The following IGF2BP2 variants were observed in gnomAD, a reference collection of about 807,000 sequenced individuals.
The protein encoded by IGF2BP2 is insulin-like growth factor 2 mRNA-binding protein 2.
Under a neutral mutation model 75.8 loss-of-function variants are expected in IGF2BP2, and 17 were observed. That is an observed-to-expected ratio of 0.22 (90% CI 0.15 to 0.34). The LOEUF (loss-of-function observed/expected upper bound fraction) is 0.34. IGF2BP2 is among the 10% of genes least tolerant of loss of function. The pLI, the probability that IGF2BP2 is intolerant of heterozygous loss-of-function variation, is 1.00. For synonymous variants in IGF2BP2, 288 were observed against 295.6 expected, an observed-to-expected ratio of 0.97 and a Z score of 0.26; for missense variants, 516 against 772.4, an observed-to-expected ratio of 0.67 and a Z score of 3.93.
chr3:185,823,976 G>C (rs1741701377), intron 1 of IGF2BP2, among the ~76,000 whole-genome samples: 1 of 152,162 alleles, frequency 6.6e-6, no homozygotes, highest in African/African-American at 2.4e-5. Context: ...AGTTGAGACA[G>C]GGCACCTCGT....
At chr3:185,799,416 G>A (rs1159289526) in intron 2 of IGF2BP2, among the ~76,000 whole-genome samples, 1 of 151,786 alleles carries the variant, frequency 6.6e-6, no homozygotes, top group Non-Finnish European at 1.5e-5. Flanking sequence ...AAACCACAAT[G>A]ACATACCATC....
chr3:185,801,551 G>T (rs551772714), intron 2 of IGF2BP2, among the ~76,000 whole-genome samples: 1 of 150,790 alleles, frequency 6.6e-6, no homozygotes, highest in Admixed American at 6.6e-5. Context: ...TGGAGAAATA[G>T]GAACACTTTT....
chr3:185,805,770 CTT>C (rs1254141059), intron 2 of IGF2BP2, among the ~76,000 whole-genome samples: 28 of 136,438 alleles, frequency 2.1e-4, no homozygotes, highest in Admixed American at 3.7e-4. Context: ...TGAAGTAAAT[CTT>C]TTTTTTTTTT....
In IGF2BP2 at chr3:185,808,134, AAG is replaced by A. The variant is rs1353074882; in HGVS notation, c.239+15017_239+15018del. 5.6e-3 allele frequency among the ~76,000 whole-genome samples: 394 copies of A among 70,764 alleles called. 2 individuals are homozygous for A. Among genetic ancestry groups the A allele is most frequent in the African/African-American group, 0.032 (380 of 11,718 alleles). The allele number at this position is 70,764 out of a possible 152,430, so 46.4% of individuals were successfully genotyped here. ...GTTTCTTTTAAAAAAAAAAAAAAAAAAGAAAGAAAGAAAGAAAGAAACAAACA... is the reference window on the plus strand; with the variant it reads ...GTTTCTTTTAAAAAAAAAAAAAAAAAAAAGAAAGAAAGAAAGAAACAAACA... On this transcript the variant is annotated intron_variant, in intron 2 of 15. Transcript: ENST00000382199.
At position 185,698,814 on chromosome 3, in the gene IGF2BP2, GT is replaced by G. The variant is rs915972569; in HGVS notation, c.240-468del. 1.3e-4 allele frequency among the ~76,000 whole-genome samples: 19 copies of G among 150,616 alleles called. No individual in the cohort carries two copies. The East Asian group carries it at 3.7e-3, about 30-fold the overall frequency. ...TAATTTTTGTGGGTTTTTTGTTGTTGTTTGTTTGTTTGTTTTTTAAGAAGGG... is the reference window on the plus strand; with the variant it reads ...TAATTTTTGTGGGTTTTTTGTTGTTGTTGTTTGTTTGTTTTTTAAGAAGGG... On this transcript the variant is annotated intron_variant, in intron 2 of 15. Transcript: ENST00000382199.
chr3:185,677,763 C>T (rs1009732588), intron 7 of IGF2BP2, among the ~76,000 whole-genome samples: 1 of 152,070 alleles, frequency 6.6e-6, no homozygotes, highest in African/African-American at 2.4e-5. Flanking sequence ...AACAAAGAGA[C>T]AGAAACTATA....
chr3:185,762,157 A>G (rs1404749593), intron 2 of IGF2BP2, among the ~76,000 whole-genome samples: 2 of 152,020 alleles, frequency 1.3e-5, no homozygotes, highest in Non-Finnish European at 2.9e-5. Context: ...GGAGGCCGAT[A>G]TGGGCAGATC....
chr3:185,749,555 T>C (rs1443604381), intron 2 of IGF2BP2, among the ~76,000 whole-genome samples: 1 of 152,254 alleles, frequency 6.6e-6, no homozygotes, highest in African/African-American at 2.4e-5. Context: ...TGTGTCAGTC[T>C]ATCCCCAAAT....
chr3:185,646,462 C>T (rs1377604775), intron 15 of IGF2BP2, among the ~76,000 whole-genome samples: 1 of 152,228 alleles, frequency 6.6e-6, no homozygotes, highest in Non-Finnish European at 1.5e-5. Context: ...CTCCCCAAAA[C>T]TCAATTTACA....
At chr3:185,674,323 T>C (rs1718969440) in intron 9 of IGF2BP2, among the ~76,000 whole-genome samples, 1 of 152,200 alleles carries the variant, frequency 6.6e-6, no homozygotes, top group South Asian at 2.1e-4. Flanking sequence ...TATGGGTATA[T>C]GAGGACTTAT....
intron 2 of IGF2BP2, among the ~76,000 whole-genome samples, chr3:185,721,858 G>C (rs184118621): frequency 2.0e-5 from 3 of 151,922 alleles, no homozygotes; most frequent in African/African-American, 7.3e-5. Context: ...TGCTTGAAAA[G>C]AAGTCTCTTT....
At chr3:185,739,936 G>A (rs1729333712) in intron 2 of IGF2BP2, among the ~76,000 whole-genome samples, 1 of 134,678 alleles carries the variant, frequency 7.4e-6, no homozygotes, top group African/African-American at 2.8e-5. Flanking sequence ...GGTCACTGCA[G>A]CCCTGACTTC....
At chr3:185,684,072 A>G (rs188637079) in intron 7 of IGF2BP2, among the ~76,000 whole-genome samples, 274 of 152,330 alleles carry the variant, frequency 1.8e-3, no homozygotes, top group African/African-American at 6.3e-3. Context: ...CAAAATAAAG[A>G]GGGTGCTTGA....
In IGF2BP2 at chr3:185,647,474, A is replaced by C. The variant is rs547632878; in HGVS notation, c.1594-336T>G. On this transcript the variant is annotated intron_variant, in intron 14 of 15. Transcript: ENST00000382199. This position sits in a 1 kb window ranked among gnomAD's most constrained non-coding sequence, Gnocchi z 4.9. ...ACCCCAGGCTTTCCCATACCCCCCC[A>C]CTCCCCACCCCTACCCTGTAAGATC... 1.9e-4 allele frequency among the ~76,000 whole-genome samples: 26 copies of C among 137,888 alleles called. No homozygotes were observed. The highest frequency in any genetic ancestry group is 3.9e-4 in the African/African-American group (14 of 36,180). 90.5% of individuals were successfully genotyped at this position (137,888 alleles called of 152,430 possible).
rs557370287 is a variant in IGF2BP2, at chr3:185,747,917, G to A, written c.240-49570C>T. 3.1e-4 allele frequency among the ~76,000 whole-genome samples: 47 copies of A among 152,000 alleles called. No homozygotes were observed. In the South Asian group the frequency reaches 9.6e-3, roughly 31 times the overall value. On this transcript the variant is annotated intron_variant, in intron 2 of 15. Transcript: ENST00000382199. ...GTTGCCCCGGCTGGAGTGCAGTGGT[G>A]CAATCTCGGCTCACTGCAACCTCCA... is the stretch of plus-strand genomic sequence containing the variant.
chr3:185,719,910 T>C (rs1726249083), intron 2 of IGF2BP2, among the ~76,000 whole-genome samples: 1 of 152,026 alleles, frequency 6.6e-6, no homozygotes, highest in Non-Finnish European at 1.5e-5. Flanking sequence ...TGAGCCTTGA[T>C]AGAAACAAAC....
At chr3:185,677,068 T>TATAGAGAGAGAGAGAGAGAGAG in intron 7 of IGF2BP2, among the ~76,000 whole-genome samples, 1 of 35,862 alleles carries the variant, frequency 2.8e-5, no homozygotes, top group African/African-American at 1.6e-4. Flanking sequence ...TATATATATA[T>TATAGAGAGAGAGAGAGAGAGAG]AGAGAGAGAG....
intron 10 of IGF2BP2, among the ~76,000 whole-genome samples, chr3:185,665,296 GAGAAGGAGAAGGAGCAGA>G (rs1717189509): frequency 8.3e-6 from 1 of 120,414 alleles, no homozygotes; most frequent in African/African-American, 3.3e-5. Context: ...GAAGAAGGAG[GAGAAGGAGAAGGAGCAGA>G]AGGAGAAGGA....
intron 2 of IGF2BP2, chr3:185,716,423 C>G (rs1168806377): frequency 2.0e-6 from 1 of 504,870 alleles, no homozygotes; most frequent in Non-Finnish European, 4.0e-6. Context: ...TCTTTCCCCT[C>G]CCTCTTTCCA....
Sources: allele counts gnomAD v4.1 joint callset (sites outside exome capture counted in the v4.1 genomes callset), GRCh38; gene constraint gnomAD v4.1.1; non-coding constraint Gnocchi (gnomAD v3.1); transcripts MANE v1.5; gene names NCBI Gene and HGNC (gene_info 2026-07-23, HGNC 2026-07-21).